The following AUH variants were observed in gnomAD, a reference collection of about 807,000 sequenced individuals.
AUH encodes the protein AU RNA binding methylglutaconyl-CoA hydratase, also known as methylglutaconyl-CoA hydratase, mitochondrial.
A neutral mutation model predicts 42.3 loss-of-function variants in AUH; 29 were observed. That is an observed-to-expected ratio of 0.69 (90% CI 0.51 to 0.93). The LOEUF (loss-of-function observed/expected upper bound fraction) is 0.93. AUH is among the 40% of genes least tolerant of loss of function. AUH has a pLI of 0.00. For synonymous variants in AUH, 174 were observed against 166.4 expected, an observed-to-expected ratio of 1.05 and a Z score of -0.35; for missense variants, 452 against 438.1, an observed-to-expected ratio of 1.03 and a Z score of -0.28.
intron 3 of AUH, among the ~76,000 whole-genome samples, chr9:91,331,054 A>G: frequency 6.6e-6 from 1 of 152,052 alleles, no homozygotes; most frequent in Non-Finnish European, 1.5e-5. Flanking sequence ...TCCTGATTCC[A>G]TACGCCCTAC....
At chr9:91,323,850 A>G (rs1051959848) in intron 4 of AUH, among the ~76,000 whole-genome samples, 4 of 152,172 alleles carry the variant, frequency 2.6e-5, no homozygotes, top group African/African-American at 7.2e-5. Context: ...GGATAGAAAG[A>G]TTTACTATCA....
chr9:91,325,630 T>C (rs1400997104), intron 3 of AUH, among the ~76,000 whole-genome samples: 1 of 152,188 alleles, frequency 6.6e-6, no homozygotes, highest in Non-Finnish European at 1.5e-5. Flanking sequence ...CTTCTCCAGC[T>C]TTCCAGTCTC....
intron 6 of AUH, among the ~76,000 whole-genome samples, chr9:91,278,801 G>A (rs187723998): frequency 2.2e-3 from 328 of 152,250 alleles, no homozygotes; most frequent in Non-Finnish European, 3.6e-3. Context: ...AGGCAACAAA[G>A]GACAGTAACT....
intron 6 of AUH, among the ~76,000 whole-genome samples, chr9:91,234,978 C>A (rs1310437273): frequency 6.6e-6 from 1 of 151,372 alleles, no homozygotes; most frequent in South Asian, 2.1e-4. Flanking sequence ...TCAGCTGGTA[C>A]AAAGATGTAA....
At chr9:91,288,893 A>T (rs1826636763) in intron 6 of AUH, among the ~76,000 whole-genome samples, 1 of 152,210 alleles carries the variant, frequency 6.6e-6, no homozygotes, top group South Asian at 2.1e-4. Flanking sequence ...CTTCAAAGTC[A>T]TTATTTTATA....
At chr9:91,237,302 G>A (rs557212274) in intron 6 of AUH, among the ~76,000 whole-genome samples, 3 of 152,278 alleles carry the variant, frequency 2.0e-5, no homozygotes, top group South Asian at 2.1e-4. Context: ...GCTGTGTGCC[G>A]GGGCAGGAGT....
intron 4 of AUH, among the ~76,000 whole-genome samples, chr9:91,303,882 A>T (rs892715316): frequency 1.3e-5 from 2 of 152,198 alleles, no homozygotes; most frequent in African/African-American, 4.8e-5. Flanking sequence ...GGTTTAAAAA[A>T]AATCACAATA....
chr9:91,218,351 C>T (rs1826945509), intron 7 of AUH, among the ~76,000 whole-genome samples: 1 of 152,180 alleles, frequency 6.6e-6, no homozygotes, highest in South Asian at 2.1e-4. Context: ...ATCATAGACA[C>T]CACCACCATT....
chr9:91,347,776 G>A (rs1329220538), intron 3 of AUH, among the ~76,000 whole-genome samples: 1 of 151,768 alleles, frequency 6.6e-6, no homozygotes, highest in Non-Finnish European at 1.5e-5. Context: ...TCTGACTGTG[G>A]GGTAAAACAA....
rs1285430238 is a variant in AUH, at chr9:91,296,007, T to G, written c.655+14A>C. On this transcript the variant is annotated intron_variant, in intron 6 of 9. Coordinates refer to ENST00000375731, the MANE Select transcript of AUH (RefSeq NM_001698.3). Reference sequence around the variant, plus strand: ...AAATCAAGGATTTGAGGAATGGGCGTGAACTACTCATACCTCCACCAGGAA... The same window carrying G: ...AAATCAAGGATTTGAGGAATGGGCGGGAACTACTCATACCTCCACCAGGAA... 3 of 1,613,780 alleles carry G rather than the reference T, an allele frequency of 1.9e-6. No individual in the cohort carries two copies. In the African/African-American group the frequency reaches 4.0e-5, roughly 22 times the overall value.
chr9:91,298,936 C>T (rs1827564156), intron 4 of AUH, among the ~76,000 whole-genome samples: 1 of 152,070 alleles, frequency 6.6e-6, no homozygotes, highest in African/African-American at 2.4e-5. Context: ...AAGGTAATAT[C>T]GGCCGGGCGC....
intron 6 of AUH, among the ~76,000 whole-genome samples, chr9:91,267,575 G>A (rs1830045067): frequency 6.6e-6 from 1 of 152,146 alleles, no homozygotes. Flanking sequence ...TCTTCCGCAA[G>A]TGGAAAGCAA....
chr9:91,222,341 C>A (rs540690843), intron 6 of AUH, among the ~76,000 whole-genome samples: 71 of 152,034 alleles, frequency 4.7e-4, no homozygotes, highest in Non-Finnish European at 8.4e-4. Flanking sequence ...TGTTAAGAAC[C>A]GTAATTAATA....
chr9:91,257,394 G>A (rs551969654), intron 6 of AUH, among the ~76,000 whole-genome samples: 10 of 151,664 alleles, frequency 6.6e-5, no homozygotes, highest in South Asian at 4.2e-4. Flanking sequence ...AGGAGAGCCA[G>A]CAATGGACAC....
chr9:91,274,225 A>T (rs193131354), intron 6 of AUH, among the ~76,000 whole-genome samples: 1 of 152,278 alleles, frequency 6.6e-6, no homozygotes, highest in African/African-American at 2.4e-5. Flanking sequence ...CAAAATATAG[A>T]GAAAATCATT....
chr9:91,313,602 G>T (rs1208847018), intron 4 of AUH, among the ~76,000 whole-genome samples: 1 of 151,672 alleles, frequency 6.6e-6, no homozygotes, highest in Non-Finnish European at 1.5e-5. Context: ...CTACTTGGGA[G>T]GCTGAGGCAG....
chr9:91,285,434 A>C (rs547202677), intron 6 of AUH, among the ~76,000 whole-genome samples: 2 of 152,088 alleles, frequency 1.3e-5, no homozygotes, highest in Admixed American at 6.5e-5. Flanking sequence ...CATTGTGCAC[A>C]TGTACCCTAG....
intron 3 of AUH, 121 bp from the exon 4 acceptor site, chr9:91,325,525 GA>G: frequency 1.3e-6 from 1 of 792,640 alleles, no homozygotes; most frequent in Non-Finnish European, 2.2e-6. Flanking sequence ...TCTTTTAATA[GA>G]ATGACATTAC....
chr9:91,284,181 T>C (rs931933898), intron 6 of AUH, among the ~76,000 whole-genome samples: 1 of 152,106 alleles, frequency 6.6e-6, no homozygotes, highest in Non-Finnish European at 1.5e-5. Flanking sequence ...CATCTGATCT[T>C]TGACAAACCT....
Sources: allele counts gnomAD v4.1 joint callset (sites outside exome capture counted in the v4.1 genomes callset), GRCh38; gene constraint gnomAD v4.1.1; transcripts MANE v1.5; gene names NCBI Gene and HGNC (gene_info 2026-07-23, HGNC 2026-07-21).